The following FHIP2A variants were observed in gnomAD, a reference collection of about 807,000 sequenced individuals.
FHIP2A encodes family with sequence similarity 160 member B1.
A neutral mutation model predicts 93.5 loss-of-function variants in FHIP2A; 46 were observed. The observed-to-expected ratio is 0.49, with a 90% CI of 0.39 to 0.63. The LOEUF (loss-of-function observed/expected upper bound fraction) is 0.63, where lower values mean the gene tolerates loss of function less well. Ranked by LOEUF, FHIP2A falls within the 20% of genes least tolerant of loss-of-function variation. The pLI is 0.00. For synonymous variants in FHIP2A, 332 were observed against 326.5 expected (o/e 1.02, Z -0.18); for missense variants, 769 against 909.7 (o/e 0.85, Z 1.99).
chr10:114,877,425 A>G (rs2083895101), intron 16 of FHIP2A, among the ~76,000 whole-genome samples: 1 of 152,022 alleles, frequency 6.6e-6, no homozygotes, highest in African/African-American at 2.4e-5. Flanking sequence ...TCAATATAGA[A>G]TTTTGCATTC....
chr10:114,858,178 AAT>A (rs1566376868), intron 14 of FHIP2A, among the ~76,000 whole-genome samples: 1 of 152,250 alleles, frequency 6.6e-6, no homozygotes, highest in East Asian at 1.9e-4. Context: ...GACCTCAAGT[AAT>A]AGATATAAAC....
intron 16 of FHIP2A, among the ~76,000 whole-genome samples, chr10:114,875,700 A>AAAAGAAAGAAAGAGAGAG (rs1437389617): frequency 2.8e-4 from 43 of 151,726 alleles, no homozygotes; most frequent in African/African-American, 1.0e-3. Context: ...TCGAAAGAAA[A>AAAAGAAAGAAAGAGAGAG]AAAGAAAGAA....
intron 16 of FHIP2A, among the ~76,000 whole-genome samples, chr10:114,872,141 A>C (rs2083862979): frequency 6.6e-6 from 1 of 152,216 alleles, no homozygotes; most frequent in East Asian, 1.9e-4. Flanking sequence ...AATTCTTCCC[A>C]GGTCAGACTT....
intron 4 of FHIP2A, 61 bp from the exon 5 acceptor site, chr10:114,836,063 A>T (rs546636573): frequency 3.0e-6 from 4 of 1,330,006 alleles, no homozygotes. Flanking sequence ...ATGAATGGTT[A>T]TTTTACAAAT....
intron 16 of FHIP2A, among the ~76,000 whole-genome samples, chr10:114,871,476 C>A (rs1022299044): frequency 6.6e-6 from 1 of 152,190 alleles, no homozygotes; most frequent in Non-Finnish European, 1.5e-5. Flanking sequence ...TCCCTTTGTT[C>A]TGTCAGCCCC....
chr10:114,866,436 C>T (rs2083829629), downstream of FHIP2A, among the ~76,000 whole-genome samples: 1 of 152,204 alleles, frequency 6.6e-6, no homozygotes, highest in African/African-American at 2.4e-5. Flanking sequence ...CCACTACCCA[C>T]CTCAGAGAGA....
intron 16 of FHIP2A, among the ~76,000 whole-genome samples, chr10:114,899,041 T>A (rs1384199030): frequency 2.0e-5 from 3 of 152,206 alleles, no homozygotes; most frequent in Non-Finnish European, 4.4e-5. Flanking sequence ...AGGAATAGTC[T>A]AGCCTCCTAG....
chr10:114,892,058 A>C (rs1313136001), intron 16 of FHIP2A, among the ~76,000 whole-genome samples: 1 of 152,204 alleles, frequency 6.6e-6, no homozygotes, highest in African/African-American at 2.4e-5. Flanking sequence ...AGCAGTTTTC[A>C]ACCCTCCACT....
In FHIP2A at chr10:114,863,998, G is replaced by C; in HGVS notation, c.*2458G>C. The C allele has an allele frequency of 9.6e-7, 1 of 1,039,128 alleles. No homozygotes were observed. The highest frequency in any genetic ancestry group is 3.2e-5 in the South Asian group (1 of 31,064). 64.4% of individuals were successfully genotyped at this position (1,039,128 alleles called of 1,614,324 possible). ...ATTTGTCTTAGCCTATTGCCATATA[G>C]TACTCACCTTATAACTATGTAACTT... On this transcript the variant is annotated 3_prime_UTR_variant, in exon 17 of 17. Transcript: ENST00000369248.
intron 16 of FHIP2A, among the ~76,000 whole-genome samples, chr10:114,876,098 C>A (rs1285368990): frequency 6.6e-6 from 1 of 152,164 alleles, no homozygotes; most frequent in African/African-American, 2.4e-5. Flanking sequence ...GGGGCCCCCA[C>A]CCTCCCGCTC....
At chr10:114,844,044 C>T in intron 7 of FHIP2A, 107 bp downstream of exon 7, 1 of 749,394 alleles carries the variant, frequency 1.3e-6, no homozygotes, top group Non-Finnish European at 2.1e-6. Flanking sequence ...AATTGAACAC[C>T]ACTAGTGATC....
chr10:114,854,440 C>T (rs747505656), intron 13 of FHIP2A, among the ~76,000 whole-genome samples: 13 of 151,274 alleles, frequency 8.6e-5, no homozygotes, highest in East Asian at 5.8e-4. Context: ...TGTGGTGAGC[C>T]GAGATTGTGC....
intron 16 of FHIP2A, among the ~76,000 whole-genome samples, chr10:114,876,924 T>C (rs1370531386): frequency 6.6e-6 from 1 of 152,220 alleles, no homozygotes; most frequent in African/African-American, 2.4e-5. Flanking sequence ...CCTGTAACTA[T>C]TGACATGTTT....
chr10:114,893,185 TATA>T (rs1173724971), intron 16 of FHIP2A, among the ~76,000 whole-genome samples: 2 of 152,220 alleles, frequency 1.3e-5, no homozygotes, highest in Non-Finnish European at 1.5e-5. Flanking sequence ...GAGCATTATT[TATA>T]ATAGGGGAAA....
At chr10:114,896,210 G>T (rs572532468) in intron 16 of FHIP2A, among the ~76,000 whole-genome samples, 3 of 151,962 alleles carry the variant, frequency 2.0e-5, no homozygotes, top group African/African-American at 4.8e-5. Flanking sequence ...ATAGTAAAAG[G>T]TAATAGAAAA....
At chr10:114,865,050 T>C (rs61868018), downstream of FHIP2A, among the ~76,000 whole-genome samples, 48,519 of 151,912 alleles carry the variant, frequency 0.32, 8,336 homozygotes, top group Non-Finnish European at 0.39. Context: ...TGCAATGGCA[T>C]GATCTCAGCT....
At chr10:114,888,545 G>T (rs747269754) in intron 16 of FHIP2A, among the ~76,000 whole-genome samples, 1 of 152,212 alleles carries the variant, frequency 6.6e-6, no homozygotes, top group African/African-American at 2.4e-5. Context: ...GTAGAGAGCG[G>T]TGAAGAAGCT....
rs750045089 is a variant in FHIP2A at position 114,846,522 on chromosome 10, A to T, written c.1399-37A>T. The T allele has an allele frequency of 4.6e-6, 7 of 1,537,114 alleles. No individual in the cohort carries two copies. The Admixed American group carries it at 1.2e-4, about 27-fold the overall frequency. ...GGTAAGAAGAGTAACTTATGTAAAG[A>T]CATTTTTCAGTTAGCTTTTATCAAT... On this transcript the variant is annotated intron_variant, in intron 10 of 16. Transcript: ENST00000369248.
At position 114,861,956 on chromosome 10, in the gene FHIP2A, C is replaced by CA. The variant is rs557125458; in HGVS notation, c.*425dup. The CA allele has an allele frequency of 2.3e-4, 223 of 976,156 alleles. No individual in the cohort carries two copies. In the South Asian group the frequency reaches 5.3e-3, roughly 23 times the overall value. 60.5% of individuals were successfully genotyped at this position (976,156 alleles called of 1,614,324 possible). A position where few individuals can be genotyped will look rare whatever the true frequency, so the allele number is the denominator to read the frequency against. Reference sequence around the variant, plus strand: ...TGTATTCTTTTGGATTAATAAGTAGCAAAAAAAAATCACTAATTTTATAAC... The same window carrying CA: ...TGTATTCTTTTGGATTAATAAGTAGCAAAAAAAAAATCACTAATTTTATAAC... On this transcript the variant is annotated 3_prime_UTR_variant, in exon 17 of 17. Coordinates refer to ENST00000369248, the MANE Select transcript of FHIP2A (RefSeq NM_020940.4).
Sources: allele counts gnomAD v4.1 joint callset (sites outside exome capture counted in the v4.1 genomes callset), GRCh38; gene constraint gnomAD v4.1.1; transcripts MANE v1.5; gene names NCBI Gene and HGNC (gene_info 2026-07-23, HGNC 2026-07-21).